The following PCBP3 variants were observed in gnomAD, a reference collection of about 807,000 sequenced individuals.
PCBP3 encodes the protein poly(rC) binding protein 3, also known as poly(rC)-binding protein 3.
In PCBP3, 25 loss-of-function variants were observed where a neutral mutation model predicts 52.7. The ratio of observed to expected loss-of-function variants is 0.47; its 90% CI spans 0.35 to 0.66. The LOEUF (loss-of-function observed/expected upper bound fraction) is 0.66. Among genes scored for constraint, PCBP3 ranks in the 30% least tolerant of loss-of-function variants. PCBP3 has a pLI of 0.01. For missense variants in PCBP3, 391 were observed against 490.3 expected, an observed-to-expected ratio of 0.80 and a Z score of 1.91; for synonymous variants, 162 against 183.0, an observed-to-expected ratio of 0.89 and a Z score of 0.93.
At chr21:45,891,788 G>A (rs1030491182) in intron 5 of PCBP3, among the ~76,000 whole-genome samples, 2 of 152,210 alleles carry the variant, frequency 1.3e-5, no homozygotes, top group Non-Finnish European at 2.9e-5. Context: ...GCCACTGCAC[G>A]GGGCCATCAG....
chr21:45,939,236 T>C (rs545028971), intron 16 of PCBP3, among the ~76,000 whole-genome samples: 1 of 152,352 alleles, frequency 6.6e-6, no homozygotes, highest in South Asian at 2.1e-4. Context: ...CCGTGGCCTA[T>C]GCGTGCATGA....
chr21:45,755,911 A>G (rs1483754042), intron 4 of PCBP3, among the ~76,000 whole-genome samples: 2 of 152,120 alleles, frequency 1.3e-5, no homozygotes, highest in Non-Finnish European at 2.9e-5. Context: ...GTCTTTAAAG[A>G]AACGGAATTG....
intron 4 of PCBP3, among the ~76,000 whole-genome samples, chr21:45,847,848 T>C (rs2093849525): frequency 6.6e-6 from 1 of 152,210 alleles, no homozygotes; most frequent in Non-Finnish European, 1.5e-5. Flanking sequence ...AACTTGTCGA[T>C]TATTTTTTTC....
At chr21:45,941,487 G>A (rs373848659) in intron 17 of PCBP3, among the ~76,000 whole-genome samples, 183 bp from the exon 18 acceptor site, 4 of 152,278 alleles carry the variant, frequency 2.6e-5, no homozygotes, top group East Asian at 3.9e-4. Context: ...TGGGCATGGC[G>A]GGGACCAGGG....
intron 13 of PCBP3, chr21:45,918,097 GGTC>G: frequency 4.8e-6 from 1 of 210,018 alleles, no homozygotes; most frequent in Non-Finnish European, 9.6e-6. Flanking sequence ...GAAAACATAG[GGTC>G]CATCTACACA....
chr21:45,875,802 A>G (rs1163998321), intron 5 of PCBP3, among the ~76,000 whole-genome samples: 1 of 152,162 alleles, frequency 6.6e-6, no homozygotes, highest in Non-Finnish European at 1.5e-5. Flanking sequence ...TTAAACTTCT[A>G]CTGTTCACTT....
At chr21:45,705,610 G>A (rs2083400172) in intron 2 of PCBP3, among the ~76,000 whole-genome samples, 2 of 152,148 alleles carry the variant, frequency 1.3e-5, no homozygotes, top group East Asian at 1.9e-4. Context: ...CTGTCAGTGT[G>A]GACCCAAACA....
rs1247006251 is a variant in PCBP3 at position 45,904,176 on chromosome 21, A to G, written c.339+3063A>G. Reference sequence around the variant, plus strand: ...GCTGAGTCCTCTACAGTCATTTGTCATCTCTGCCGCAGCAGGGCAGAGTCG... The same window carrying G: ...GCTGAGTCCTCTACAGTCATTTGTCGTCTCTGCCGCAGCAGGGCAGAGTCG... On this transcript the variant is annotated intron_variant, in intron 9 of 17. Coordinates refer to ENST00000681687, the MANE Select transcript of PCBP3 (RefSeq NM_001384156.1). The surrounding 1 kb of genome is among the most constrained non-coding windows in gnomAD (Gnocchi z 4.8). Among the ~76,000 whole-genome samples, 4 of 152,186 alleles carry G rather than the reference A, an allele frequency of 2.6e-5. No homozygotes were observed. Among genetic ancestry groups the G allele is most frequent in the Non-Finnish European group, 5.9e-5 (4 of 68,034 alleles).
At chr21:45,883,616 T>C (rs767132588) in intron 5 of PCBP3, among the ~76,000 whole-genome samples, 15 of 152,262 alleles carry the variant, frequency 9.9e-5, no homozygotes, top group Non-Finnish European at 2.1e-4. Flanking sequence ...TTAGACTCTT[T>C]TATCATTATG....
At chr21:45,846,498 A>G (rs1333726972) in intron 4 of PCBP3, among the ~76,000 whole-genome samples, 3 of 152,050 alleles carry the variant, frequency 2.0e-5, no homozygotes, top group Non-Finnish European at 2.9e-5. Context: ...TTGGAGTACA[A>G]AGTTTGATGT....
intron 1 of PCBP3, among the ~76,000 whole-genome samples, chr21:45,645,422 G>A (rs1303969649): frequency 1.3e-5 from 2 of 152,144 alleles, no homozygotes; most frequent in East Asian, 3.8e-4. Flanking sequence ...AGAATTCAGG[G>A]CTTTTTGGCT....
chr21:45,866,973 G>T (rs989977871), intron 5 of PCBP3, among the ~76,000 whole-genome samples: 1 of 152,234 alleles, frequency 6.6e-6, no homozygotes. Context: ...AGGACTGGAG[G>T]CTTTGTTTTG....
intron 5 of PCBP3, among the ~76,000 whole-genome samples, chr21:45,863,709 C>A (rs1050098668): frequency 6.6e-6 from 1 of 152,228 alleles, no homozygotes; most frequent in Non-Finnish European, 1.5e-5. Flanking sequence ...CTGTCCGATA[C>A]CCACATCAAA....
intron 2 of PCBP3, chr21:45,732,633 C>A (rs944206325): frequency 7.2e-5 from 11 of 151,734 alleles, no homozygotes; most frequent in Non-Finnish European, 1.3e-4. Context: ...AAATTTTCAT[C>A]CATTTTTGAA....
Position 45,924,970 on chromosome 21 carries a change from G to C in PCBP3, c.718-4947G>C, listed in dbSNP as rs375313967. On this transcript the variant is annotated intron_variant, in intron 13 of 17. Coordinates refer to ENST00000681687, the MANE Select transcript of PCBP3 (RefSeq NM_001384156.1). ...GGAGATGCGAACACCGGGAACAGTC[G>C]TGTGGGTAGAAACAGCACACGTAAG... 6.5e-5 allele frequency among the ~76,000 whole-genome samples: 4 copies of C among 61,620 alleles called. 1 individual carries two copies. Among genetic ancestry groups the C allele is most frequent in the Non-Finnish European group, 1.2e-4 (4 of 32,542 alleles). The allele number at this position is 61,620 out of a possible 152,430, so 40.4% of individuals were successfully genotyped here.
chr21:45,696,716 G>A (rs1046751730), intron 2 of PCBP3, among the ~76,000 whole-genome samples: 5 of 151,862 alleles, frequency 3.3e-5, no homozygotes, highest in Non-Finnish European at 7.4e-5. Context: ...GCTTGAACCC[G>A]GGAGGCAGAG....
At chr21:45,753,016 C>G (rs2087678498) in intron 3 of PCBP3, 1 of 146,582 alleles carries the variant, frequency 6.8e-6, no homozygotes, top group Admixed American at 7.0e-5. Flanking sequence ...TGGTGTGCAC[C>G]TGTAGTCCTA....
intron 5 of PCBP3, among the ~76,000 whole-genome samples, chr21:45,889,583 C>CTTGGGAAAGGGCTTGGGAA (rs1241632177): frequency 1.3e-5 from 2 of 152,246 alleles, no homozygotes; most frequent in African/African-American, 4.8e-5. Context: ...CCTTCTTCTG[C>CTTGGGAAAGGGCTTGGGAA]AGCCCGCCCT....
intron 2 of PCBP3, among the ~76,000 whole-genome samples, chr21:45,695,327 G>C (rs970549826): frequency 6.6e-6 from 1 of 152,314 alleles, no homozygotes; most frequent in Admixed American, 6.5e-5. Flanking sequence ...TTCTCTTCCA[G>C]GTTTCAGGGC....
Sources: allele counts gnomAD v4.1 joint callset (sites outside exome capture counted in the v4.1 genomes callset), GRCh38; gene constraint gnomAD v4.1.1; non-coding constraint Gnocchi (gnomAD v3.1); transcripts MANE v1.5; gene names NCBI Gene and HGNC (gene_info 2026-07-23, HGNC 2026-07-21).